LPA: variants seen among roughly 807,000 people sequenced by gnomAD.
The protein encoded by LPA is apolipoprotein(a).
Under a neutral mutation model 197.9 loss-of-function variants are expected in LPA, and 199 were observed. The ratio of observed to expected loss-of-function variants is 1.01; its 90% confidence interval spans 0.90 to 1.13. The LOEUF is 1.13. Ranked by LOEUF, LPA falls within the 50% of genes most tolerant of loss-of-function variation. The pLI is 0.00. For synonymous variants in LPA, 715 were observed against 639.5 expected, an observed-to-expected ratio of 1.12 and a Z score of -1.78; for missense variants, 1,853 against 1,785.8, an observed-to-expected ratio of 1.04 and a Z score of -0.68.
At chr6:160,579,885 A>G (rs925667553) in intron 26 of LPA, among the ~76,000 whole-genome samples, 3 of 152,144 alleles carry the variant, frequency 2.0e-5, no homozygotes, top group Non-Finnish European at 4.4e-5. Flanking sequence ...TTTTCAGTTG[A>G]GTATATTTTC....
chr6:160,600,531 A>G (rs1278911220), intron 19 of LPA, among the ~76,000 whole-genome samples: 1 of 152,198 alleles, frequency 6.6e-6, no homozygotes, highest in African/African-American at 2.4e-5. Context: ...CGGAATCTGC[A>G]ATGCTGAAGA....
chr6:160,555,416 C>G (rs1778243495), intron 30 of LPA, among the ~76,000 whole-genome samples: 1 of 131,822 alleles, frequency 7.6e-6, no homozygotes, highest in Non-Finnish European at 1.6e-5. Context: ...GACATAAAAA[C>G]CTTGCATGTT....
chr6:160,600,950 G>A lies in LPA; in HGVS notation c.3094C>T (p.Leu1032=). 1 of 1,613,338 alleles carries A rather than the reference G, an allele frequency of 6.2e-7. No individual in the cohort carries two copies. The highest frequency in any genetic ancestry group is 8.5e-7 in the Non-Finnish European group (1 of 1,179,982). The change falls in exon 19 of 39, where the codon CTG becomes TTG. Residue 1032 remains leucine (L), a synonymous_variant. Coordinates refer to ENST00000316300, the MANE Select transcript of LPA (RefSeq NM_005577.4). ...WTAFVPPNVI[L]APSLEAFFEQ... ...AAAAAAGCCTCTAGGCTTGGAGCCA[G>A]AATAACATTCGGAGGGACGAAGGCA...
chr6:160,576,349 TATATATATATATATATAC>T (rs1485728055), intron 28 of LPA, among the ~76,000 whole-genome samples: 15 of 20,568 alleles, frequency 7.3e-4, no homozygotes, highest in African/African-American at 2.6e-3. Flanking sequence ...TGTATATATA[TATATATATATATATATAC>T]ATATATATAT....
chr6:160,606,006 AG>A (rs1779341965), intron 17 of LPA, among the ~76,000 whole-genome samples: 1 of 152,214 alleles, frequency 6.6e-6, no homozygotes, highest in Non-Finnish European at 1.5e-5. Context: ...CCATAGAACC[AG>A]GGTGATTTGG....
At chr6:160,604,449 C>G (rs1396887040) in intron 18 of LPA, among the ~76,000 whole-genome samples, 6 of 152,150 alleles carry the variant, frequency 3.9e-5, no homozygotes, top group Non-Finnish European at 8.8e-5. Flanking sequence ...GGGCTTCTGT[C>G]CATCTATCCA....
chr6:160,531,907 G>T lies in LPA; in HGVS notation c.5962-17C>A, dbSNP rs766017443. The stretch of plus-strand genomic sequence containing the variant: ...ACTGTCACCCTAAACAGAGGTAGGG[G>T]AAAATTCATGTGAGCTTTAAGCTGC... On this transcript the variant is annotated splice_polypyrimidine_tract_variant and intron_variant, in intron 38 of 38. Coordinates refer to ENST00000316300, the MANE Select transcript of LPA (RefSeq NM_005577.4). 1 of 1,613,854 alleles carries T rather than the reference G, an allele frequency of 6.2e-7. No homozygotes were observed. Among genetic ancestry groups the T allele is most frequent in the Middle Eastern group, 1.7e-4 (1 of 6,056 alleles).
At chr6:160,658,002 T>A (rs1179491868) in intron 1 of LPA, among the ~76,000 whole-genome samples, 1 of 152,128 alleles carries the variant, frequency 6.6e-6, no homozygotes, top group Non-Finnish European at 1.5e-5. Flanking sequence ...TAGGGGTGCC[T>A]CTTGAGGAGA....
intron 20 of LPA, among the ~76,000 whole-genome samples, chr6:160,596,318 G>T (rs983258321): frequency 3.2e-4 from 49 of 151,114 alleles, no homozygotes; most frequent in Middle Eastern, 3.6e-3. Context: ...CTCCCTTGTT[G>T]GTCTCTTTTC....
intron 28 of LPA, 137 bp downstream of exon 28, chr6:160,576,999 G>A (rs1455297752): frequency 1.7e-5 from 17 of 998,100 alleles, no homozygotes; most frequent in Non-Finnish European, 2.5e-5. Context: ...TTGCTCAAAA[G>A]CAAAGGTCCT....
chr6:160,597,419 A>G (rs1779154240), intron 20 of LPA, among the ~76,000 whole-genome samples: 1 of 152,322 alleles, frequency 6.6e-6, no homozygotes, highest in Admixed American at 6.5e-5. Flanking sequence ...TTACTTCTCT[A>G]TGTTTCAATG....
At chr6:160,597,149 G>A (rs1467469902) in intron 20 of LPA, among the ~76,000 whole-genome samples, 1 of 152,192 alleles carries the variant, frequency 6.6e-6, no homozygotes, top group African/African-American at 2.4e-5. Flanking sequence ...GTACTCGGTA[G>A]TTCGGTATAA....
At chr6:160,597,396 C>T (rs965650835) in intron 20 of LPA, among the ~76,000 whole-genome samples, 1 of 152,180 alleles carries the variant, frequency 6.6e-6, no homozygotes, top group Non-Finnish European at 1.5e-5. Flanking sequence ...ACATATTCCT[C>T]AATGAACAAT....
Position 160,553,255 on chromosome 6 carries a change from G to C in LPA, c.4973+2770C>G, listed in dbSNP as rs115634866. ...AATAAGAGTATTTTATATTGACATT[G>C]CCATTTGCCATTTCCAGGGCTCTTC... On this transcript the variant is annotated intron_variant, in intron 30 of 38. Coordinates refer to ENST00000316300, the MANE Select transcript of LPA (RefSeq NM_005577.4). Among the ~76,000 whole-genome samples the C allele has an allele frequency of 7.4e-3, 1,130 of 152,034 alleles. 12 individuals are homozygous for C. The highest frequency in any genetic ancestry group is 0.026 in the African/African-American group (1,093 of 41,466).
In LPA at chr6:160,578,685, A is replaced by G. The variant is rs749022182; in HGVS notation, c.4309T>C (p.Cys1437Arg). ...YPNAGLTRNYCRNPDAEIRPW... is the reference protein window; with the variant it reads ...YPNAGLTRNYRRNPDAEIRPW... ...CGAATCTCAGCATCTGGATTCCTGCAGTAGTTCCTGGTCAGGCCACTGCAA... is the reference window on the plus strand; with the variant it reads ...CGAATCTCAGCATCTGGATTCCTGCGGTAGTTCCTGGTCAGGCCACTGCAA... The change falls in exon 27 of 39, where the codon TGC becomes CGC. Residue 1437 changes from cysteine to arginine, a missense_variant. Transcript: ENST00000316300. The G allele has an allele frequency of 9.9e-6, 16 of 1,613,784 alleles. No individual in the cohort carries two copies. The highest frequency in any genetic ancestry group is 5.0e-5 in the Admixed American group (3 of 59,996).
intron 18 of LPA, 80 bp from the exon 19 acceptor site, chr6:160,601,178 A>C: frequency 1.6e-6 from 2 of 1,237,466 alleles, no homozygotes; most frequent in Non-Finnish European, 2.4e-6. Context: ...CAACAAGGTC[A>C]TTACTGGTGC....
intron 26 of LPA, among the ~76,000 whole-genome samples, chr6:160,584,451 C>T (rs1463621489): frequency 3.0e-4 from 46 of 151,266 alleles, no homozygotes; most frequent in Admixed American, 2.9e-3. Context: ...CCTGCCTCAG[C>T]CTCCCAAGTA....
chr6:160,531,560 G>T lies in LPA; in HGVS notation c.*169C>A. On this transcript the variant is annotated 3_prime_UTR_variant, in exon 39 of 39. Transcript: ENST00000316300. ...ACCTTAATACAGAATTTGTCAGTCA[G>T]ACCTTAAAAGCTTATACACAAAAAT... The T allele has an allele frequency of 2.6e-6, 2 of 772,180 alleles. No individual in the cohort carries two copies. Among genetic ancestry groups the T allele is most frequent in the Non-Finnish European group, 4.4e-6 (2 of 455,726 alleles). The allele number at this position is 772,180 out of a possible 1,614,324, so 47.8% of individuals were successfully genotyped here.
At chr6:160,557,265 C>G in intron 29 of LPA, 125 bp downstream of exon 29, 1 of 1,183,452 alleles carries the variant, frequency 8.4e-7, no homozygotes, top group South Asian at 1.3e-5. Context: ...AGTGCTGAGG[C>G]TTCTTTCCAC....
Sources: gnomAD v4.1 joint callset for allele counts (sites outside exome capture counted in the v4.1 genomes callset) on GRCh38, gnomAD v4.1.1 for gene constraint, MANE v1.5 for transcripts, NCBI Gene and HGNC (gene_info 2026-07-23, HGNC 2026-07-21) for gene names.